Variants in TAFA2 observed in about 807,000 individuals in gnomAD.
TAFA2 encodes the protein chemokine-like protein TAFA-2.
A neutral mutation model predicts 18.8 loss-of-function variants in TAFA2; 7 were observed. The ratio of observed to expected loss-of-function variants is 0.37; its 90% CI spans 0.21 to 0.70. The LOEUF (loss-of-function observed/expected upper bound fraction) is 0.70. Ranked by LOEUF, TAFA2 falls within the 30% of genes least tolerant of loss-of-function variation. The pLI is 0.53. For synonymous variants in TAFA2, 60 were observed against 54.2 expected (o/e 1.11, Z -0.47); for missense variants, 122 against 158.1 (o/e 0.77, Z 1.23).
chr12:61,852,323 G>C (rs1038585918), intron 2 of TAFA2, among the ~76,000 whole-genome samples: 5 of 152,252 alleles, frequency 3.3e-5, no homozygotes, highest in Admixed American at 6.5e-5. Context: ...TTTCACAATT[G>C]ACTGGATGGC....
At chr12:62,162,146 T>C (rs189026394) in intron 1 of TAFA2, among the ~76,000 whole-genome samples, 2 of 152,334 alleles carry the variant, frequency 1.3e-5, no homozygotes, top group Admixed American at 1.3e-4. Flanking sequence ...AGGAGCCATC[T>C]CTTGGAAATC....
intron 1 of TAFA2, among the ~76,000 whole-genome samples, chr12:62,034,293 G>T (rs922033308): frequency 2.6e-5 from 4 of 152,060 alleles, no homozygotes; most frequent in Non-Finnish European, 5.9e-5. Context: ...CAGGATGAAG[G>T]TCAGGTACCG....
At chr12:62,218,996 C>T (rs955980673) in intron 1 of TAFA2, among the ~76,000 whole-genome samples, 4 of 151,938 alleles carry the variant, frequency 2.6e-5, no homozygotes, top group African/African-American at 7.2e-5. Context: ...CTGTAATTTA[C>T]ACATAATTAG....
At chr12:62,250,827 G>C (rs1466216730) in intron 1 of TAFA2, among the ~76,000 whole-genome samples, 1 of 152,070 alleles carries the variant, frequency 6.6e-6, no homozygotes, top group Non-Finnish European at 1.5e-5. Flanking sequence ...TGCATAGTTA[G>C]GCTTGTCTCT....
chr12:62,230,604 G>C (rs1592411084), intron 1 of TAFA2, among the ~76,000 whole-genome samples: 1 of 152,062 alleles, frequency 6.6e-6, no homozygotes, highest in East Asian at 1.9e-4. Context: ...TTTTGAATTT[G>C]TTGAGGCTTG....
At chr12:62,222,996 T>C (rs1032496791) in intron 1 of TAFA2, among the ~76,000 whole-genome samples, 1 of 151,972 alleles carries the variant, frequency 6.6e-6, no homozygotes, top group African/African-American at 2.4e-5. Context: ...AATTTTAAAA[T>C]GATATTAAAG....
intron 2 of TAFA2, among the ~76,000 whole-genome samples, chr12:61,863,224 G>C (rs1874200377): frequency 6.6e-6 from 1 of 152,150 alleles, no homozygotes; most frequent in Non-Finnish European, 1.5e-5. Context: ...CAGAGAGAGA[G>C]AGAAAAGGAG....
intron 2 of TAFA2, among the ~76,000 whole-genome samples, chr12:61,762,726 G>T (rs893507949): frequency 6.6e-6 from 1 of 151,530 alleles, no homozygotes; most frequent in Non-Finnish European, 1.5e-5. Flanking sequence ...CTACAAAAGA[G>T]AGTAAATTTA....
At chr12:62,129,651 G>T (rs909096133) in intron 1 of TAFA2, among the ~76,000 whole-genome samples, 4 of 151,922 alleles carry the variant, frequency 2.6e-5, no homozygotes, top group African/African-American at 4.8e-5. Context: ...TTAAGTGCAG[G>T]GTAGGGTCTC....
chr12:62,195,285 T>A (rs1313267521), upstream of TAFA2, among the ~76,000 whole-genome samples: 2 of 152,220 alleles, frequency 1.3e-5, no homozygotes, highest in East Asian at 3.8e-4. Context: ...AATCCTTTGT[T>A]GTCATTTCAA....
At chr12:62,075,671 C>A (rs1868246929) in intron 1 of TAFA2, among the ~76,000 whole-genome samples, 1 of 152,200 alleles carries the variant, frequency 6.6e-6, no homozygotes, top group Admixed American at 6.5e-5. Context: ...CACAGGCACA[C>A]ATACACGCAT....
At chr12:61,787,401 C>G (rs553276526) in intron 2 of TAFA2, among the ~76,000 whole-genome samples, 1 of 151,702 alleles carries the variant, frequency 6.6e-6, no homozygotes, top group South Asian at 2.1e-4. Flanking sequence ...AGTTTATATT[C>G]AAACTCAGAA....
chr12:62,161,991 A>G (rs1210826203), intron 1 of TAFA2, among the ~76,000 whole-genome samples: 3 of 152,228 alleles, frequency 2.0e-5, no homozygotes, highest in Non-Finnish European at 4.4e-5. Flanking sequence ...ACAGTTTCTA[A>G]GAACCTATAA....
intron 1 of TAFA2, among the ~76,000 whole-genome samples, chr12:62,081,877 G>A (rs1868330831): frequency 6.6e-6 from 1 of 152,026 alleles, no homozygotes; most frequent in African/African-American, 2.4e-5. Flanking sequence ...TTGCTGCACA[G>A]ATCATCCCAT....
At chr12:62,209,415 C>T in intron 1 of TAFA2, among the ~76,000 whole-genome samples, 1 of 152,186 alleles carries the variant, frequency 6.6e-6, no homozygotes, top group East Asian at 1.9e-4. Flanking sequence ...CCTGAGGCCT[C>T]CCCAGCAATG....
At chr12:61,936,568 A>G (rs7294739) in intron 1 of TAFA2, among the ~76,000 whole-genome samples, 10,717 of 149,462 alleles carry the variant, frequency 0.072, 1,220 homozygotes, top group African/African-American at 0.25. Context: ...ACTCCGTCTC[A>G]AAAAAACATA....
intron 1 of TAFA2, among the ~76,000 whole-genome samples, chr12:62,220,665 G>GA (rs1290826481): frequency 6.6e-6 from 1 of 152,214 alleles, no homozygotes; most frequent in South Asian, 2.1e-4. Context: ...GATGTTGATA[G>GA]TGGGGGAAGA....
At chr12:62,020,686 T>G (rs1325483286) in intron 1 of TAFA2, among the ~76,000 whole-genome samples, 2 of 152,310 alleles carry the variant, frequency 1.3e-5, no homozygotes, top group African/African-American at 4.8e-5. Flanking sequence ...CTCATTTAAG[T>G]TTTCTCTTTG....
chr12:61,980,221 G>A (rs573427319), intron 1 of TAFA2, among the ~76,000 whole-genome samples: 1 of 152,166 alleles, frequency 6.6e-6, no homozygotes, highest in South Asian at 2.1e-4. Context: ...TATCTCAATA[G>A]ATGCAGAAAA....
Sources: allele counts gnomAD v4.1 joint callset (sites outside exome capture counted in the v4.1 genomes callset), GRCh38; gene constraint gnomAD v4.1.1; transcripts MANE v1.5; gene names NCBI Gene and HGNC (gene_info 2026-07-23, HGNC 2026-07-21).